ITGA2: variants seen among roughly 807,000 people sequenced by gnomAD.
ITGA2 encodes the protein integrin subunit alpha 2.
ITGA2 carries 101 observed loss-of-function variants against 146.3 expected under a neutral mutation model. The observed-to-expected ratio is 0.69, with a 90% CI of 0.59 to 0.81. ITGA2 has a LOEUF of 0.81. Among genes scored for constraint, ITGA2 ranks in the 40% least tolerant of loss-of-function variants. The pLI is 0.00. For missense variants in ITGA2, 1,281 were observed against 1,402.7 expected (o/e 0.91, Z 1.39); for synonymous variants, 477 against 487.1 (o/e 0.98, Z 0.27).
At chr5:53,064,510 C>T (rs1745057281) in intron 13 of ITGA2, among the ~76,000 whole-genome samples, 2 of 151,772 alleles carry the variant, frequency 1.3e-5, no homozygotes, top group South Asian at 4.2e-4. Flanking sequence ...ATCGATTGCT[C>T]TGAATTTTAT....
Position 52,989,442 on chromosome 5 carries a change from A to AG in ITGA2, c.-27_-26insG. 3 of 1,613,790 alleles carry AG rather than the reference A, an allele frequency of 1.9e-6. No homozygotes were observed. The highest frequency in any genetic ancestry group is 2.5e-6 in the Non-Finnish European group (3 of 1,179,666). On this transcript the variant is annotated 5_prime_UTR_variant, in exon 1 of 30. Coordinates refer to ENST00000296585, the MANE Select transcript of ITGA2 (RefSeq NM_002203.4). ...CTGCAAACCTCTGCAAACCCAGCGC[A>AG]ACTACGGTCCCCCGGTCAGACCCAG...
At position 53,067,103 on chromosome 5, in the gene ITGA2, C is replaced by T. The variant is rs779597392; in HGVS notation, c.1944-15C>T. ...TAATAACATCCATCCATCTGTTACTCTTTATGTCTTTTAGGTCACAAAGTA... is the reference window on the plus strand; with the variant it reads ...TAATAACATCCATCCATCTGTTACTTTTTATGTCTTTTAGGTCACAAAGTA... On this transcript the variant is annotated splice_polypyrimidine_tract_variant and intron_variant, in intron 15 of 29. Coordinates refer to ENST00000296585, the MANE Select transcript of ITGA2 (RefSeq NM_002203.4). 1 of 1,608,388 alleles carries T rather than the reference C, an allele frequency of 6.2e-7. No individual in the cohort carries two copies. The highest frequency in any genetic ancestry group is 1.3e-5 in the African/African-American group (1 of 74,692).
intron 1 of ITGA2, among the ~76,000 whole-genome samples, chr5:53,012,764 A>AT (rs1224307815): frequency 2.6e-5 from 4 of 151,980 alleles, no homozygotes; most frequent in East Asian, 3.9e-4. Context: ...CCAGCATGTT[A>AT]TTTTTTTACT....
At chr5:53,075,010 G>C (rs374401020) in intron 21 of ITGA2, 51 bp from the exon 22 acceptor site, 1 of 1,190,444 alleles carries the variant, frequency 8.4e-7, no homozygotes, top group Non-Finnish European at 1.2e-6. Context: ...TTTCACGTTG[G>C]CCTCTGAGTA....
chr5:53,037,286 G>A (rs1382167564), intron 2 of ITGA2, among the ~76,000 whole-genome samples: 3 of 152,238 alleles, frequency 2.0e-5, no homozygotes, highest in African/African-American at 7.2e-5. Context: ...AGTTTCACTG[G>A]AGGAAAAGAA....
rs781568635 is a variant in ITGA2, at chr5:53,051,446, T to G, written c.666T>G (p.Val222=). ...TTCAGTATGCCAATAATCCAAGAGT[T>G]GTGTTTAACTTGAACACATATAAAA... The part of the protein sequence containing the change: ...GLIQYANNPR[V]VFNLNTYKTK... Residue 222 remains valine, a synonymous_variant, in exon 7 of 30, where the codon GTT becomes GTG. Transcript: ENST00000296585. 3.1e-6 allele frequency: 5 copies of G among 1,613,542 alleles called. No individual in the cohort carries two copies. The African/African-American group carries it at 5.3e-5, about 17-fold the overall frequency.
At position 53,051,618 on chromosome 5, in the gene ITGA2, A is replaced by G. The variant is rs1579855505; in HGVS notation, c.779+59A>G. On this transcript the variant is annotated intron_variant, in intron 7 of 29. Coordinates refer to ENST00000296585, the MANE Select transcript of ITGA2 (RefSeq NM_002203.4). The stretch of plus-strand genomic sequence containing the variant: ...TAATGTAAAACATTATATTTATGTA[A>G]TAAATATGAAAAAGTAAGGAAAAGA... The G allele has an allele frequency of 8.6e-6, 13 of 1,515,348 alleles. No individual in the cohort carries two copies. The East Asian group carries it at 2.9e-4, about 33-fold the overall frequency. The allele number at this position is 1,515,348 out of a possible 1,614,324, so 93.9% of individuals were successfully genotyped here. A position where few individuals can be genotyped will look rare whatever the true frequency, so the allele number is the denominator to read the frequency against.
intron 1 of ITGA2, among the ~76,000 whole-genome samples, chr5:53,009,106 G>A (rs1741995951): frequency 6.6e-6 from 1 of 152,112 alleles, no homozygotes; most frequent in African/African-American, 2.4e-5. Context: ...CAGTCAGCAA[G>A]CCTTCTCTTT....
At chr5:53,071,069 A>G (rs1240615166) in intron 17 of ITGA2, among the ~76,000 whole-genome samples, 1 of 151,932 alleles carries the variant, frequency 6.6e-6, no homozygotes, top group Non-Finnish European at 1.5e-5. Context: ...TTTCTGATGT[A>G]AATGGATGGT....
chr5:53,061,112 G>A, intron 12 of ITGA2, 66 bp downstream of exon 12: 1 of 1,517,412 alleles, frequency 6.6e-7, no homozygotes, highest in Non-Finnish European at 9.1e-7. Flanking sequence ...GGAGTCAGGT[G>A]AACAGAAATG....
chr5:53,072,096 C>A, intron 18 of ITGA2, 48 bp downstream of exon 18: 1 of 1,280,710 alleles, frequency 7.8e-7, no homozygotes, highest in South Asian at 1.2e-5. Flanking sequence ...AATAAAGTTC[C>A]ACAGTCACTG....
chr5:53,003,884 G>A (rs62357202), intron 1 of ITGA2, among the ~76,000 whole-genome samples: 3,076 of 152,080 alleles, frequency 0.02, 53 homozygotes, highest in Middle Eastern at 0.034. Flanking sequence ...CAGCTCAAGC[G>A]ATCTGCCCTC....
chr5:53,084,306 T>C (rs1746059016), intron 27 of ITGA2, among the ~76,000 whole-genome samples: 1 of 152,136 alleles, frequency 6.6e-6, no homozygotes, highest in African/African-American at 2.4e-5. Context: ...TTTTTTTCTT[T>C]TTAACAAATA....
At chr5:53,086,826 G>A (rs1746177768) in intron 27 of ITGA2, 126 bp from the exon 28 acceptor site, 1 of 754,568 alleles carries the variant, frequency 1.3e-6, no homozygotes, top group Non-Finnish European at 2.3e-6. Flanking sequence ...GATTCTGGAT[G>A]GGTCTTCAGA....
chr5:53,074,744 T>C (rs1249795368), intron 21 of ITGA2, among the ~76,000 whole-genome samples: 2 of 152,040 alleles, frequency 1.3e-5, no homozygotes, highest in African/African-American at 2.4e-5. Context: ...CAAAGCACTA[T>C]ACACAGAGTC....
intron 1 of ITGA2, among the ~76,000 whole-genome samples, chr5:52,994,821 C>A (rs1404382227): frequency 6.6e-6 from 1 of 152,068 alleles, no homozygotes; most frequent in East Asian, 1.9e-4. Context: ...CATGTGTTCA[C>A]AATTAATGAG....
At chr5:53,073,092 T>TC (rs767052857) in intron 19 of ITGA2, 26 bp from the exon 20 acceptor site, 13 of 1,608,324 alleles carry the variant, frequency 8.1e-6, no homozygotes, top group Non-Finnish European at 1.0e-5. Context: ...TAATGGCTTT[T>TC]CCCCCCTCCT....
intron 1 of ITGA2, among the ~76,000 whole-genome samples, chr5:53,022,925 C>A (rs1652976302): frequency 6.6e-6 from 1 of 152,192 alleles, no homozygotes; most frequent in African/African-American, 2.4e-5. Context: ...TAGGATGAAA[C>A]AGTATCCCCT....
intron 5 of ITGA2, 66 bp downstream of exon 5, chr5:53,048,543 C>T (rs1227097467): frequency 6.2e-7 from 1 of 1,605,280 alleles, no homozygotes; most frequent in East Asian, 2.2e-5. Context: ...AAAAGGTTAT[C>T]AACTAGTGGC....
Sources: allele counts gnomAD v4.1 joint callset (sites outside exome capture counted in the v4.1 genomes callset), GRCh38; gene constraint gnomAD v4.1.1; transcripts MANE v1.5; gene names NCBI Gene and HGNC (gene_info 2026-07-23, HGNC 2026-07-21).